The following ATIC variants were observed in gnomAD, a reference collection of about 807,000 sequenced individuals.
ATIC encodes the protein 5-aminoimidazole-4-carboxamide ribonucleotide formyltransferase/IMP cyclohydrolase.
ATIC carries 64 observed loss-of-function variants against 72.5 expected under a neutral mutation model. The observed-to-expected ratio is 0.88, with a 90% CI of 0.72 to 1.09. The LOEUF is 1.09. ATIC is among the 50% of genes least tolerant of loss of function. The pLI is 0.00. For missense variants in ATIC, 787 were observed against 732.4 expected, an observed-to-expected ratio of 1.07 and a Z score of -0.86; for synonymous variants, 281 against 267.1, an observed-to-expected ratio of 1.05 and a Z score of -0.51.
chr2:215,360,674 C>G, the ATIC span: 9 of 152,328 alleles, frequency 5.9e-5, no homozygotes, highest in Non-Finnish European at 1.3e-4. Flanking sequence ...AAGCTATCTC[C>G]ATTAGTGAAG....
downstream of ATIC, among the ~76,000 whole-genome samples, chr2:215,352,015 A>T (rs114263218): frequency 9.6e-3 from 1,465 of 152,332 alleles, 20 homozygotes; most frequent in Non-Finnish European, 0.011. Flanking sequence ...ATACCTTCCT[A>T]CTGTCAAGAT....
the ATIC span, chr2:215,362,913 G>A: frequency 6.6e-6 from 1 of 152,528 alleles, no homozygotes; most frequent in Admixed American, 6.5e-5. Context: ...GGGCGCCATT[G>A]CTGGAGCAGC....
At position 215,321,102 on chromosome 2, in the gene ATIC, C is replaced by T. The variant is rs10197559; in HGVS notation, c.290+1371C>T. Among the ~76,000 whole-genome samples, 32,056 of 152,126 alleles carry T rather than the reference C, an allele frequency of 0.21. 4,299 individuals are homozygous for T. The highest frequency in any genetic ancestry group is 0.3 in the Non-Finnish European group (20,402 of 67,964). On this transcript the variant is annotated intron_variant, in intron 4 of 15. Coordinates refer to ENST00000236959, the MANE Select transcript of ATIC (RefSeq NM_004044.7). ...CCAATATTAAAACATATTCATCACC[C>T]CCACCCTAAACCCTATACCCATACG...
intron 13 of ATIC, chr2:215,345,171 T>A (rs2053059179): frequency 2.4e-6 from 1 of 415,974 alleles, no homozygotes; most frequent in Non-Finnish European, 4.5e-6. Flanking sequence ...TTCCTTTCCT[T>A]TTCCCCCATT....
chr2:215,365,619 C>T, the ATIC span: 1 of 1,613,944 alleles, frequency 6.2e-7, no homozygotes, highest in South Asian at 1.1e-5. Flanking sequence ...ACACCATTGT[C>T]ATGGCACCAT....
At chr2:215,320,740 C>T (rs2052757814) in intron 4 of ATIC, among the ~76,000 whole-genome samples, 1 of 152,144 alleles carries the variant, frequency 6.6e-6, no homozygotes, top group Admixed American at 6.6e-5. Flanking sequence ...TCACCACGCC[C>T]AACTCATTTT....
intron 4 of ATIC, among the ~76,000 whole-genome samples, chr2:215,322,930 G>T (rs1218222452): frequency 1.3e-5 from 2 of 151,802 alleles, no homozygotes; most frequent in African/African-American, 4.8e-5. Flanking sequence ...TCTGTTTTTT[G>T]TTTGTTTGTT....
Position 215,319,727 on chromosome 2 carries a change from A to T in ATIC, c.286A>T (p.Ile96Leu). Reference sequence around the variant, plus strand: ...CATGGCCAGACTTGATTTCAATCTTATAAGGTAAAAACCTGAAATTAAACT... The same window carrying T: ...CATGGCCAGACTTGATTTCAATCTTTTAAGGTAAAAACCTGAAATTAAACT... ...ADMARLDFNL[I>L]RVVACNLYPF... Residue 96 changes from isoleucine to leucine, a missense_variant, in exon 4 of 16, where the codon ATA (isoleucine) becomes TTA (leucine). Transcript: ENST00000236959. 1.2e-6 allele frequency: 2 copies of T among 1,606,400 alleles called. No individual in the cohort carries two copies. Among genetic ancestry groups the T allele is most frequent in the Middle Eastern group, 1.7e-4 (1 of 6,050 alleles).
chr2:215,334,973 A>G lies in ATIC; in HGVS notation c.977A>G (p.Asp326Gly). The G allele has an allele frequency of 6.2e-7, 1 of 1,613,554 alleles. No homozygotes were observed. Among genetic ancestry groups the G allele is most frequent in the Non-Finnish European group, 8.5e-7 (1 of 1,179,680 alleles). Residue 326 changes from aspartate to glycine, a missense_variant, in exon 10 of 16, where the codon GAT (aspartate) becomes GGT (glycine). Transcript: ENST00000236959. Reference sequence around the variant, plus strand: ...TTTGTTGCATTGTCCGATGTTTGTGATGTACCAACTGCAAAAATTATTTCC... The same window carrying G: ...TTTGTTGCATTGTCCGATGTTTGTGGTGTACCAACTGCAAAAATTATTTCC... Reference protein sequence around the residue: ...GDFVALSDVCDVPTAKIISRE... With the variant: ...GDFVALSDVCGVPTAKIISRE...
At chr2:215,355,610 T>G in the ATIC span, among the ~76,000 whole-genome samples, 1 of 149,194 alleles carries the variant, frequency 6.7e-6, no homozygotes, top group African/African-American at 2.4e-5. Context: ...TCATGGACAT[T>G]TTTATACCTT....
At position 215,346,906 on chromosome 2, in the gene ATIC, G is replaced by A; in HGVS notation, c.1468G>A (p.Ala490Thr). The A allele has an allele frequency of 6.2e-7, 1 of 1,614,186 alleles. No individual in the cohort carries two copies. Among genetic ancestry groups the A allele is most frequent in the East Asian group, 2.2e-5 (1 of 44,882 alleles). The change falls in exon 14 of 16, where the codon GCC (alanine) becomes ACC (threonine). Residue 490 changes from alanine (A) to threonine (T), a missense_variant. Ala to Thr is a moderately conservative substitution (Grantham distance 58). Transcript: ENST00000236959. Reference protein sequence around the residue: ...TGVKRAEISNAIDQYVTGTIG... With the variant: ...TGVKRAEISNTIDQYVTGTIG... ...AGTGAAGAGAGCAGAAATCTCCAAT[G>A]CCATCGATCAATATGTGACTGGAAC...
In ATIC at chr2:215,338,784, C is replaced by A. The variant is rs754653713; in HGVS notation, c.1104C>A (p.Asp368Glu). The A allele has an allele frequency of 6.2e-7, 1 of 1,613,204 alleles. No individual in the cohort carries two copies. The highest frequency in any genetic ancestry group is 1.1e-5 in the South Asian group (1 of 91,034). Residue 368 changes from aspartate (D) to glutamate (E), a missense_variant, in exon 12 of 16, where the codon GAC becomes GAA. Asp to Glu is a conservative substitution (Grantham distance 45, BLOSUM62 2). Coordinates refer to ENST00000236959, the MANE Select transcript of ATIC (RefSeq NM_004044.7). ...KNGNYCVLQM[D>E]QSYKPDENEV... is the part of the protein sequence containing the mutation. ...TTTTAAAATTTGTATTTTAGATGGA[C>A]CAATCTTACAAACCAGATGAAAATG...
chr2:215,349,078 C>T lies in ATIC; in HGVS notation c.1504-16C>T, dbSNP rs1295767643. 1.1e-5 allele frequency: 18 copies of T among 1,613,754 alleles called. No homozygotes were observed. Among genetic ancestry groups the T allele is most frequent in the East Asian group, 2.2e-5 (1 of 44,878 alleles). On this transcript the variant is annotated splice_polypyrimidine_tract_variant and intron_variant, in intron 14 of 15. Transcript: ENST00000236959. The stretch of plus-strand genomic sequence containing the variant: ...GATGTCAGACCAAGCTTCTTCCTTT[C>T]TCTCTCCCCGCATAGGATGAAGATT...
rs1575110838 is a variant in ATIC, at chr2:215,312,412, A to C, written c.20-86A>C. 3.1e-6 allele frequency: 5 copies of C among 1,608,170 alleles called. No homozygotes were observed. In the East Asian group the frequency reaches 1.1e-4, roughly 36 times the overall value. On this transcript the variant is annotated intron_variant, in intron 1 of 15. Transcript: ENST00000236959. ...CCAGGTGCTGGCCTTGCGATTCGAG[A>C]ATCTCCTCCCCCAGACCCTCCCAAG...
chr2:215,347,616 T>C lies in ATIC; in HGVS notation c.1503+675T>C, dbSNP rs4673993. 0.32 allele frequency: 156,759 copies of C among 490,610 alleles called. 27,164 individuals are homozygous for C. Among genetic ancestry groups the C allele is most frequent in the South Asian group, 0.47 (30,581 of 64,724 alleles). 30.4% of individuals were successfully genotyped at this position (490,610 alleles called of 1,614,324 possible). ...CCAATTGACTACCCTCAGTTTTTTATTCAGGAGCAGGAATCAACATAAGTG... is the reference window on the plus strand; with the variant it reads ...CCAATTGACTACCCTCAGTTTTTTACTCAGGAGCAGGAATCAACATAAGTG... On this transcript the variant is annotated intron_variant, in intron 14 of 15. Transcript: ENST00000236959.
chr2:215,355,542 A>G, the ATIC span, among the ~76,000 whole-genome samples: 6 of 152,172 alleles, frequency 3.9e-5, no homozygotes, highest in African/African-American at 1.4e-4. Flanking sequence ...AGCCCAGCCT[A>G]TGTCCCTTCC....
chr2:215,319,618 G>T, intron 3 of ATIC, 47 bp from the exon 4 acceptor site: 3 of 1,336,908 alleles, frequency 2.2e-6, no homozygotes, highest in South Asian at 2.3e-5. Context: ...TCCTTAATCT[G>T]ACTTGTTTTT....
At chr2:215,365,054 G>C in the ATIC span, 1 of 1,029,696 alleles carries the variant, frequency 9.7e-7, no homozygotes, top group Non-Finnish European at 1.5e-6. Flanking sequence ...TCTAGGGGTG[G>C]GTTCTATTTC....
Position 215,326,859 on chromosome 2 carries a change from C to CA in ATIC, c.570dup (p.Asp191ArgfsTer91). The CA allele has an allele frequency of 6.2e-7, 1 of 1,614,064 alleles. No individual in the cohort carries two copies. Among genetic ancestry groups the CA allele is most frequent in the Admixed American group, 1.7e-5 (1 of 59,988 alleles). ...ACGGCACAATATGATGAAGCAATTT[C>CA]AGATTATTTCAGGAAACAGTACAGC... On this transcript the variant is annotated frameshift_variant, in exon 7 of 16. Transcript: ENST00000236959. LOFTEE classifies it high-confidence loss of function.
Sources: allele counts gnomAD v4.1 joint callset (sites outside exome capture counted in the v4.1 genomes callset), GRCh38; gene constraint gnomAD v4.1.1; transcripts MANE v1.5; gene names NCBI Gene and HGNC (gene_info 2026-07-23, HGNC 2026-07-21).